The following SNRPN variants were observed in gnomAD, a reference collection of about 807,000 sequenced individuals.
The protein encoded by SNRPN is small nuclear ribonucleoprotein-associated protein N.
Under a neutral mutation model 25.2 loss-of-function variants are expected in SNRPN, and 7 were observed. The ratio of observed to expected loss-of-function variants is 0.28; its 90% CI spans 0.16 to 0.52. The LOEUF is 0.52. Among genes scored for constraint, SNRPN ranks in the 20% least tolerant of loss-of-function variants. SNRPN has a pLI of 0.96. For synonymous variants in SNRPN, 124 were observed against 110.6 expected (o/e 1.12, Z -0.76); for missense variants, 196 against 322.5 (o/e 0.61, Z 3.00).
Position 24,919,057 on chromosome 15 carries a change from A to G in SNRPN, c.-504-954A>G, listed in dbSNP as rs112404601. ...TATATAACATAATATATATGTGCGC[A>G]TATATATATAACATAATATATATGT... On this transcript the variant is annotated intron_variant, in intron 2 of 11. Transcript: ENST00000400097. Among the ~76,000 whole-genome samples the G allele has an allele frequency of 7.1e-3, 835 of 117,404 alleles. 56 individuals are homozygous for G. Among genetic ancestry groups the G allele is most frequent in the Middle Eastern group, 0.037 (7 of 190 alleles). 77.0% of individuals were successfully genotyped at this position (117,404 alleles called of 152,430 possible).
chr15:24,936,552 G>T (rs2061248166), intron 3 of SNRPN, among the ~76,000 whole-genome samples: 1 of 152,156 alleles, frequency 6.6e-6, no homozygotes, highest in Non-Finnish European at 1.5e-5. Context: ...AAGAAAAGAG[G>T]TTTAATTGGC....
At chr15:24,960,046 C>T (rs1378801694) in intron 1 of SNRPN, among the ~76,000 whole-genome samples, 2 of 151,932 alleles carry the variant, frequency 1.3e-5, no homozygotes, top group African/African-American at 4.8e-5. Flanking sequence ...GGGTAGATCA[C>T]CTGAGGGCAG....
chr15:24,848,509 G>C (rs1437351357), intron 2 of SNRPN: 1 of 152,122 alleles, frequency 6.6e-6, no homozygotes, highest in East Asian at 1.9e-4. Flanking sequence ...TTAACCTAAG[G>C]TTTCTCTTTC....
chr15:24,830,764 T>G (rs2050448384), intron 2 of SNRPN, among the ~76,000 whole-genome samples: 1 of 152,116 alleles, frequency 6.6e-6, no homozygotes, highest in Non-Finnish European at 1.5e-5. Flanking sequence ...ATTTCTAGCT[T>G]AATTCTGTTG....
At chr15:24,961,621 C>G (rs1244691381) in intron 1 of SNRPN, among the ~76,000 whole-genome samples, 1 of 151,948 alleles carries the variant, frequency 6.6e-6, no homozygotes, top group African/African-American at 2.4e-5. Context: ...CTTTGCAAAT[C>G]CTAAAGAAAG....
intron 2 of SNRPN, among the ~76,000 whole-genome samples, chr15:24,916,869 G>C (rs1194995122): frequency 6.6e-6 from 1 of 152,210 alleles, no homozygotes; most frequent in Non-Finnish European, 1.5e-5. Flanking sequence ...GACCCAAGGA[G>C]TGAGCCGCAG....
At chr15:24,952,768 T>G (rs1397221190), upstream of SNRPN, among the ~76,000 whole-genome samples, 1 of 152,104 alleles carries the variant, frequency 6.6e-6, no homozygotes, top group Non-Finnish European at 1.5e-5. Flanking sequence ...GTAAAAGTAA[T>G]TCATAATCAC....
At chr15:24,902,806 G>A (rs750728440) in intron 2 of SNRPN, among the ~76,000 whole-genome samples, 1 of 152,218 alleles carries the variant, frequency 6.6e-6, no homozygotes, top group African/African-American at 2.4e-5. Flanking sequence ...TTACAAGCTC[G>A]TAAAGGTAGT....
At chr15:24,908,827 G>T in intron 2 of SNRPN, 1 of 525,928 alleles carries the variant, frequency 1.9e-6, no homozygotes, top group Non-Finnish European at 3.3e-6. Flanking sequence ...TCTTTCTCTA[G>T]AGTCTTGGAA....
At chr15:24,864,641 G>A (rs1315299399) in intron 1 of SNRPN, among the ~76,000 whole-genome samples, 2 of 135,790 alleles carry the variant, frequency 1.5e-5, no homozygotes, top group Admixed American at 7.6e-5. Flanking sequence ...ACTGTGCCTG[G>A]CCAATGTTTT....
intron 1 of SNRPN, among the ~76,000 whole-genome samples, chr15:24,958,386 C>CT (rs75210247): frequency 0.057 from 7,121 of 124,162 alleles, 533 homozygotes; most frequent in African/African-American, 0.18. Flanking sequence ...GTCCTGTCTC[C>CT]TTTTTTTTTT....
At chr15:24,913,201 A>C (rs2152269946) in intron 2 of SNRPN, among the ~76,000 whole-genome samples, 1 of 152,194 alleles carries the variant, frequency 6.6e-6, no homozygotes, top group South Asian at 2.1e-4. Flanking sequence ...CTGCCTCCCA[A>C]AGTGCTGGGA....
At chr15:24,921,861 G>A (rs2060039276) in intron 3 of SNRPN, among the ~76,000 whole-genome samples, 1 of 152,058 alleles carries the variant, frequency 6.6e-6, no homozygotes, top group Admixed American at 6.6e-5. Context: ...ATCAGCCACT[G>A]TTCCTCTTTT....
rs140899054 is a variant in SNRPN, at chr15:24,936,263, A to G, written c.-391+16139A>G. On this transcript the variant is annotated intron_variant, in intron 3 of 11. Coordinates refer to the SNRPN transcript ENST00000400097. ...TGTGTAAAACTTTGTGGTGAGAATT[A>G]GAGAAAGCTTAATTTGCTGCTTGGC... 4.5e-3 allele frequency among the ~76,000 whole-genome samples: 686 copies of G among 152,300 alleles called. 14 individuals carry two copies. The highest frequency in any genetic ancestry group is 0.041 in the Admixed American group (628 of 15,292).
intron 1 of SNRPN, among the ~76,000 whole-genome samples, chr15:24,882,823 C>CAAAAAAAAAAAAAAAAAAAAAAAAAAAA (rs10543501): frequency 7.9e-5 from 10 of 127,152 alleles, no homozygotes; most frequent in South Asian, 2.7e-4. Context: ...GACTCCATCT[C>CAAAAAAAAAAAAAAAAAAAAAAAAAAAA]AAAAAAAAAA....
chr15:24,860,902 G>C (rs1054924308), intron 1 of SNRPN, among the ~76,000 whole-genome samples: 61 of 152,248 alleles, frequency 4.0e-4, no homozygotes, highest in Non-Finnish European at 4.4e-4. Context: ...GGAAATGCAG[G>C]GATTGGGTTG....
chr15:24,880,278 C>G (rs1206026302), intron 1 of SNRPN, among the ~76,000 whole-genome samples: 1 of 152,022 alleles, frequency 6.6e-6, no homozygotes, highest in Admixed American at 6.6e-5. Context: ...AGAGTGAGAC[C>G]TTGCCTCTAA....
chr15:24,939,395 C>T (rs996280551), intron 3 of SNRPN, among the ~76,000 whole-genome samples: 3 of 152,044 alleles, frequency 2.0e-5, no homozygotes, highest in Non-Finnish European at 2.9e-5. Context: ...TTGGAGAATT[C>T]TTATTAAGAC....
At chr15:24,937,353 AAAAC>A (rs1252938079) in intron 3 of SNRPN, among the ~76,000 whole-genome samples, 2 of 152,050 alleles carry the variant, frequency 1.3e-5, no homozygotes, top group Non-Finnish European at 2.9e-5. Context: ...AAAACAAAAC[AAAAC>A]AAAAAAAACG....
Sources: gnomAD v4.1 joint callset for allele counts (sites outside exome capture counted in the v4.1 genomes callset) on GRCh38, gnomAD v4.1.1 for gene constraint, MANE v1.5 for transcripts, NCBI Gene and HGNC (gene_info 2026-07-23, HGNC 2026-07-21) for gene names.